The following PDE2A variants were observed in gnomAD, a reference collection of about 807,000 sequenced individuals.
PDE2A encodes the protein phosphodiesterase 2A.
In PDE2A, 53 loss-of-function variants were observed where a neutral mutation model predicts 133.6. That is an observed-to-expected ratio of 0.40 (90% CI 0.32 to 0.50). The LOEUF is 0.50. Among genes scored for constraint, PDE2A ranks in the 20% least tolerant of loss-of-function variants. The pLI, the probability that PDE2A is intolerant of heterozygous loss-of-function variation, is 0.73. For missense variants in PDE2A, 796 were observed against 1,232.4 expected, an observed-to-expected ratio of 0.65 and a Z score of 5.30; for synonymous variants, 491 against 490.2, an observed-to-expected ratio of 1.00 and a Z score of -0.02.
At chr11:72,661,847 G>A (rs978380444) in intron 1 of PDE2A, among the ~76,000 whole-genome samples, 2 of 152,198 alleles carry the variant, frequency 1.3e-5, no homozygotes, top group Non-Finnish European at 2.9e-5. Context: ...GTGTATACCT[G>A]TGTCATGTGC....
chr11:72,634,135 G>A (rs1044885133), intron 2 of PDE2A, among the ~76,000 whole-genome samples: 4 of 152,182 alleles, frequency 2.6e-5, no homozygotes, highest in African/African-American at 9.7e-5. Context: ...GGGAGGGCCT[G>A]AGGGCAAGCG....
At chr11:72,586,792 C>A (rs748741458) in intron 13 of PDE2A, among the ~76,000 whole-genome samples, 1 of 152,198 alleles carries the variant, frequency 6.6e-6, no homozygotes, top group Non-Finnish European at 1.5e-5. Flanking sequence ...GAAGAGCCTG[C>A]CTTAGCCCAC....
intron 1 of PDE2A, among the ~76,000 whole-genome samples, chr11:72,650,893 ACACAC>A (rs1283831874): frequency 2.7e-5 from 3 of 109,176 alleles, no homozygotes. Context: ...ACACACACAC[ACACAC>A]ACACACACAC....
intron 2 of PDE2A, chr11:72,636,205 G>C (rs1325527438): frequency 2.1e-6 from 2 of 965,576 alleles, no homozygotes; most frequent in Non-Finnish European, 1.3e-6. Context: ...AGCTGCAGGG[G>C]GCAGCCACAT....
intron 2 of PDE2A, among the ~76,000 whole-genome samples, chr11:72,618,624 C>T (rs1175577738): frequency 6.6e-6 from 1 of 152,238 alleles, no homozygotes; most frequent in Non-Finnish European, 1.5e-5. Context: ...CTTTGGTTGT[C>T]TTTTCTGGAC....
chr11:72,578,845 A>G lies in PDE2A; in HGVS notation c.2469+52T>C. ...GGGTATTCAGGCACAGGGGGCACCCAAAGCTGGGCAGGGTGGGCAGCCTGT... is the reference window on the plus strand; with the variant it reads ...GGGTATTCAGGCACAGGGGGCACCCGAAGCTGGGCAGGGTGGGCAGCCTGT... On this transcript the variant is annotated intron_variant, in intron 28 of 30. Coordinates refer to ENST00000334456, the MANE Select transcript of PDE2A (RefSeq NM_002599.5). The surrounding 1 kb of genome is among the most constrained non-coding windows in gnomAD (Gnocchi z 4.2). The G allele has an allele frequency of 8.5e-7, 1 of 1,170,606 alleles. No individual in the cohort carries two copies. Among genetic ancestry groups the G allele is most frequent in the South Asian group, 1.2e-5 (1 of 80,256 alleles). The allele number at this position is 1,170,606 out of a possible 1,614,324, so 72.5% of individuals were successfully genotyped here. A position where few individuals can be genotyped will look rare whatever the true frequency, so the allele number is the denominator to read the frequency against.
intron 13 of PDE2A, 68 bp downstream of exon 13, chr11:72,588,716 A>G (rs965699351): frequency 1.3e-6 from 2 of 1,492,184 alleles, no homozygotes; most frequent in Non-Finnish European, 1.8e-6. Flanking sequence ...CCACATTGTT[A>G]CCCTCGTGGA....
chr11:72,586,471 GC>G (rs143204479), intron 13 of PDE2A, among the ~76,000 whole-genome samples: 2,115 of 152,298 alleles, frequency 0.014, 61 homozygotes, highest in African/African-American at 0.049. Flanking sequence ...ACTAGAGATT[GC>G]CTGGGCTCAA....
At chr11:72,617,211 C>A (rs1857518114) in intron 2 of PDE2A, among the ~76,000 whole-genome samples, 1 of 152,208 alleles carries the variant, frequency 6.6e-6, no homozygotes, top group Admixed American at 6.5e-5. Context: ...CTCACTGTGC[C>A]CATTGTGTGT....
At chr11:72,579,764 C>T in intron 25 of PDE2A, 156 bp from the exon 26 acceptor site, 1 of 609,642 alleles carries the variant, frequency 1.6e-6, no homozygotes, top group South Asian at 1.9e-5. Context: ...CCTTTCTGAG[C>T]TCTGTTTCAA....
At chr11:72,613,878 G>C (rs927014319) in intron 2 of PDE2A, among the ~76,000 whole-genome samples, 1 of 152,162 alleles carries the variant, frequency 6.6e-6, no homozygotes, top group Non-Finnish European at 1.5e-5. Flanking sequence ...TATCTTCCCA[G>C]AGGACAGGGC....
intron 4 of PDE2A, among the ~76,000 whole-genome samples, chr11:72,599,294 G>T (rs912250584): frequency 3.9e-5 from 6 of 152,034 alleles, no homozygotes; most frequent in Middle Eastern, 6.8e-3. Context: ...ACGGCCTCAT[G>T]ACTCTCCAGC....
intron 6 of PDE2A, 54 bp downstream of exon 6, chr11:72,596,539 A>T: frequency 1.0e-6 from 1 of 999,706 alleles, no homozygotes; most frequent in Non-Finnish European, 1.4e-6. Flanking sequence ...TCCATCCACC[A>T]CTCCCTCCCA....
chr11:72,578,218 CA>C lies in PDE2A; in HGVS notation c.2615+14del. ...CTCTGTGCAGGGTGCAGCTTGTCCC[CA>C]TGAGCTCACTCACTTGTAGATGGGC... is the stretch of plus-strand genomic sequence containing the variant. On this transcript the variant is annotated intron_variant, in intron 30 of 30. Coordinates refer to ENST00000334456, the MANE Select transcript of PDE2A (RefSeq NM_002599.5). This position sits in a 1 kb window ranked among gnomAD's most constrained non-coding sequence, Gnocchi z 4.2. The C allele has an allele frequency of 6.6e-7, 1 of 1,511,316 alleles. No individual in the cohort carries two copies. Among genetic ancestry groups the C allele is most frequent in the Non-Finnish European group, 9.2e-7 (1 of 1,085,594 alleles). The allele number at this position is 1,511,316 out of a possible 1,614,324, so 93.6% of individuals were successfully genotyped here. A position where few individuals can be genotyped will look rare whatever the true frequency, so the allele number is the denominator to read the frequency against.
Position 72,596,652 on chromosome 11 carries a change from AG to A in PDE2A, c.434-5del. 1 of 1,459,452 alleles carries A rather than the reference AG, an allele frequency of 6.9e-7. No individual in the cohort carries two copies. Among genetic ancestry groups the A allele is most frequent in the Non-Finnish European group, 9.1e-7 (1 of 1,095,140 alleles). 90.4% of individuals were successfully genotyped at this position (1,459,452 alleles called of 1,614,324 possible). On this transcript the variant is annotated splice_polypyrimidine_tract_variant and splice_region_variant and intron_variant, in intron 5 of 30. Transcript: ENST00000334456. ...TCCGCTAGCGGCATGACCAGCACTG[AG>A]GGGGAGAGGGCAATGAGGTGCTCCT...
intron 4 of PDE2A, among the ~76,000 whole-genome samples, chr11:72,602,977 AG>A (rs1856822655): frequency 6.6e-6 from 1 of 152,240 alleles, no homozygotes; most frequent in Admixed American, 6.5e-5. Context: ...AAGGTGGGCA[AG>A]CAGAGCTCAG....
chr11:72,630,070 G>A (rs1481703952), intron 2 of PDE2A, among the ~76,000 whole-genome samples: 2 of 152,094 alleles, frequency 1.3e-5, no homozygotes, highest in Non-Finnish European at 2.9e-5. Context: ...TGCTCGTCAA[G>A]GCCCCTTTGA....
intron 24 of PDE2A, 115 bp downstream of exon 24, chr11:72,580,771 G>C: frequency 1.0e-6 from 1 of 957,712 alleles, no homozygotes; most frequent in South Asian, 1.3e-5. Context: ...ACCTCCTCCT[G>C]TGTCTAAACC....
At chr11:72,603,549 C>G (rs1009461697) in intron 4 of PDE2A, among the ~76,000 whole-genome samples, 3 of 152,150 alleles carry the variant, frequency 2.0e-5, no homozygotes, top group Non-Finnish European at 4.4e-5. Context: ...CAGGCTGCTC[C>G]GAGGAGCCTT....
Sources: allele counts gnomAD v4.1 joint callset (sites outside exome capture counted in the v4.1 genomes callset), GRCh38; gene constraint gnomAD v4.1.1; non-coding constraint Gnocchi (gnomAD v3.1); transcripts MANE v1.5; gene names NCBI Gene and HGNC (gene_info 2026-07-23, HGNC 2026-07-21).